Variants in SGK3 observed in about 807,000 individuals in gnomAD.
SGK3 encodes the protein serum/glucocorticoid regulated kinase family member 3.
SGK3 carries 47 observed loss-of-function variants against 68.5 expected under a neutral mutation model. That is an observed-to-expected ratio of 0.69 (90% CI 0.54 to 0.87). The LOEUF (loss-of-function observed/expected upper bound fraction) is 0.87. Ranked by LOEUF, SGK3 falls within the 40% of genes least tolerant of loss-of-function variation. SGK3 has a pLI of 0.00. For missense variants in SGK3, 479 were observed against 575.5 expected (o/e 0.83, Z 1.72); for synonymous variants, 181 against 189.1 (o/e 0.96, Z 0.35).
intron 1 of SGK3, among the ~76,000 whole-genome samples, chr8:66,738,840 C>T (rs1805399819): frequency 1.3e-5 from 2 of 152,266 alleles, no homozygotes; most frequent in South Asian, 4.1e-4. Context: ...CCATGTTAGC[C>T]AGGATGGTCT....
chr8:66,829,506 G>A (rs1483880937), intron 7 of SGK3, among the ~76,000 whole-genome samples: 2 of 152,196 alleles, frequency 1.3e-5, no homozygotes, highest in South Asian at 4.1e-4. Context: ...CAGGAATATG[G>A]TTTCCTGAAG....
intron 1 of SGK3, among the ~76,000 whole-genome samples, chr8:66,729,373 G>C (rs1284493900): frequency 6.8e-6 from 1 of 147,180 alleles, no homozygotes; most frequent in African/African-American, 2.5e-5. Context: ...CGAGAATGGC[G>C]TGAACCAGGG....
intron 1 of SGK3, among the ~76,000 whole-genome samples, chr8:66,779,188 T>TG (rs1806848729): frequency 6.6e-6 from 1 of 152,182 alleles, no homozygotes; most frequent in African/African-American, 2.4e-5. Flanking sequence ...GAATTTACTA[T>TG]TGTTGAAGTT....
intron 1 of SGK3, among the ~76,000 whole-genome samples, chr8:66,715,937 C>T (rs1419566571): frequency 6.6e-6 from 1 of 152,190 alleles, no homozygotes; most frequent in East Asian, 1.9e-4. Context: ...CAACGTTCTT[C>T]TGTGTGGGAG....
chr8:66,839,971 C>G (rs1224432779), intron 10 of SGK3, 32 bp from the exon 11 acceptor site: 2 of 1,582,820 alleles, frequency 1.3e-6, no homozygotes, highest in Non-Finnish European at 8.7e-7. Context: ...CTAACATTCT[C>G]TCTCCCCCCA....
chr8:66,736,940 A>T (rs532468594), intron 1 of SGK3, among the ~76,000 whole-genome samples: 13 of 149,562 alleles, frequency 8.7e-5, no homozygotes, highest in East Asian at 5.8e-4. Flanking sequence ...TTTTTAAAAA[A>T]TTTTTAAAAA....
chr8:66,723,607 C>T (rs1804889444), intron 1 of SGK3, among the ~76,000 whole-genome samples: 1 of 152,104 alleles, frequency 6.6e-6, no homozygotes, highest in African/African-American at 2.4e-5. Flanking sequence ...CCACATCCAG[C>T]TAATTTTGTT....
chr8:66,731,680 G>A (rs894168421), intron 1 of SGK3, among the ~76,000 whole-genome samples: 3 of 151,940 alleles, frequency 2.0e-5, no homozygotes, highest in Non-Finnish European at 2.9e-5. Context: ...GACTACAGGC[G>A]CATGCCACCA....
intron 4 of SGK3, among the ~76,000 whole-genome samples, chr8:66,812,127 A>T (rs1808403569): frequency 6.6e-6 from 1 of 152,258 alleles, no homozygotes; most frequent in African/African-American, 2.4e-5. Context: ...ACTATACATT[A>T]TACCTTTATT....
At chr8:66,816,665 C>A (rs1808597032) in intron 5 of SGK3, among the ~76,000 whole-genome samples, 4 of 151,818 alleles carry the variant, frequency 2.6e-5, no homozygotes, top group South Asian at 2.1e-4. Context: ...TTTTCTAGAT[C>A]TTTTCTGCTG....
At chr8:66,823,459 G>A (rs1808929612) in intron 6 of SGK3, among the ~76,000 whole-genome samples, 1 of 150,634 alleles carries the variant, frequency 6.6e-6, no homozygotes, top group Non-Finnish European at 1.5e-5. Context: ...AGTCAGTGGC[G>A]TGATCTTGGC....
rs760415116 is a variant in SGK3, at chr8:66,850,939, CT to C, written c.1320+22del. 1 of 1,586,288 alleles carries C rather than the reference CT, an allele frequency of 6.3e-7. No individual in the cohort carries two copies. Among genetic ancestry groups the C allele is most frequent in the Non-Finnish European group, 8.6e-7 (1 of 1,167,684 alleles). ...TAATGTGGTAAGTATATATCCAAAT[CT>C]TTCTTTCTAGAATCGTGAAACTTAA... is the stretch of plus-strand genomic sequence containing the variant. On this transcript the variant is annotated intron_variant, in intron 16 of 16. Coordinates refer to ENST00000521198, the MANE Select transcript of SGK3 (RefSeq NM_001033578.3).
intron 16 of SGK3, among the ~76,000 whole-genome samples, chr8:66,852,120 G>A (rs139240344): frequency 1.9e-4 from 29 of 152,060 alleles, no homozygotes; most frequent in Non-Finnish European, 3.4e-4. Flanking sequence ...TGAAAACATG[G>A]TAATTACAAT....
intron 1 of SGK3, among the ~76,000 whole-genome samples, chr8:66,741,680 A>G (rs1475888295): frequency 1.3e-5 from 2 of 152,186 alleles, no homozygotes; most frequent in African/African-American, 4.8e-5. Context: ...CAGCCTGGAC[A>G]ACATAGTGAG....
intron 1 of SGK3, among the ~76,000 whole-genome samples, chr8:66,744,172 C>G (rs369389704): frequency 6.6e-6 from 1 of 151,784 alleles, no homozygotes; most frequent in South Asian, 2.1e-4. Context: ...CACAATTGAC[C>G]GATAGTTTGG....
chr8:66,852,531 AGCCTCCCAGAGTGCTGGGATTACAC>A (rs1183929839), intron 16 of SGK3, among the ~76,000 whole-genome samples: 1 of 152,150 alleles, frequency 6.6e-6, no homozygotes, highest in Non-Finnish European at 1.5e-5. Flanking sequence ...CACCCGCCTC[AGCCTCCCAGAGTGCTGGGATTACAC>A]GCATGAGCTA....
At chr8:66,809,050 G>A (rs1248159226) in intron 4 of SGK3, among the ~76,000 whole-genome samples, 1 of 151,374 alleles carries the variant, frequency 6.6e-6, no homozygotes, top group Non-Finnish European at 1.5e-5. Flanking sequence ...TGTATTTTTA[G>A]TAGAGACAGG....
chr8:66,761,420 T>A (rs940345281), intron 1 of SGK3, among the ~76,000 whole-genome samples: 1 of 152,232 alleles, frequency 6.6e-6, no homozygotes, highest in African/African-American at 2.4e-5. Flanking sequence ...ACTATTGTTT[T>A]TGTACCATCA....
At chr8:66,853,160 C>T (rs1810360684) in intron 16 of SGK3, among the ~76,000 whole-genome samples, 1 of 151,930 alleles carries the variant, frequency 6.6e-6, no homozygotes, top group South Asian at 2.1e-4. Flanking sequence ...ATTCTTTTCC[C>T]TCTGGGAATG....
Sources: gnomAD v4.1 joint callset for allele counts (sites outside exome capture counted in the v4.1 genomes callset) on GRCh38, gnomAD v4.1.1 for gene constraint, MANE v1.5 for transcripts, NCBI Gene and HGNC (gene_info 2026-07-23, HGNC 2026-07-21) for gene names.